Variants in DPT observed in about 807,000 individuals in gnomAD.
DPT encodes the protein tyrosine-rich acidic matrix protein.
Under a neutral mutation model 31.2 loss-of-function variants are expected in DPT, and 21 were observed. The ratio of observed to expected loss-of-function variants is 0.67; its 90% CI spans 0.48 to 0.97. The LOEUF is 0.97. DPT is among the 50% of genes least tolerant of loss of function. DPT has a pLI of 0.00. For synonymous variants in DPT, 91 were observed against 86.9 expected (o/e 1.05, Z -0.26); for missense variants, 262 against 258.8 (o/e 1.01, Z -0.08).
chr1:168,720,110 A>C (rs61801596), intron 1 of DPT, among the ~76,000 whole-genome samples: 53,497 of 151,896 alleles, frequency 0.35, 9,881 homozygotes, highest in Middle Eastern at 0.38. Context: ...CATGAGTTCT[A>C]GTCCTAGCCC....
intron 2 of DPT, among the ~76,000 whole-genome samples, chr1:168,713,788 C>T (rs1649917249): frequency 6.6e-6 from 1 of 151,854 alleles, no homozygotes; most frequent in Non-Finnish European, 1.5e-5. Context: ...TAGACTCTGA[C>T]CCATGAGAGG....
At chr1:168,699,138 C>T (rs1649530036) in intron 3 of DPT, among the ~76,000 whole-genome samples, 1 of 152,090 alleles carries the variant, frequency 6.6e-6, no homozygotes, top group Non-Finnish European at 1.5e-5. Context: ...TCTTGGATGG[C>T]ACTCTTCCTT....
intron 1 of DPT, among the ~76,000 whole-genome samples, chr1:168,723,698 C>G (rs1404974328): frequency 6.6e-6 from 1 of 152,186 alleles, no homozygotes; most frequent in Non-Finnish European, 1.5e-5. Context: ...TTTTTAATTG[C>G]TTCAGTCTCA....
rs1649470992 is a variant in DPT at position 168,696,569 on chromosome 1, A to T, written c.586T>A (p.Cys196Ser). The change falls in exon 4 of 4, where the codon TGT becomes AGT. Residue 196 changes from cysteine (C) to serine (S), a missense_variant. Cys to Ser is a moderately radical substitution (Grantham distance 112, BLOSUM62 -1). Transcript: ENST00000367817. ...FIMCRMTEYD[C>S]EFANV ...CAAATCTAAACATTTGCAAATTCAC[A>T]GTCGTATTCAGTCATCCGGCACATT... 6.2e-7 allele frequency: 1 copy of T among 1,613,890 alleles called. No homozygotes were observed. The highest frequency in any genetic ancestry group is 1.7e-5 in the Admixed American group (1 of 59,972).
intron 2 of DPT, among the ~76,000 whole-genome samples, chr1:168,707,757 T>C (rs1458486580): frequency 1.3e-5 from 2 of 152,178 alleles, no homozygotes; most frequent in African/African-American, 2.4e-5. Context: ...AAGGGGCTTT[T>C]CCCCCTTTTG....
At position 168,721,881 on chromosome 1, in the gene DPT, A is replaced by G. The variant is rs77026233; in HGVS notation, c.305+6989T>C. ...TCTTCCTGCCTGCATCTGGGTAAGA[A>G]TTCTGCTGTCTTCTCCATGTCCAGG... is the stretch of plus-strand genomic sequence containing the variant. On this transcript the variant is annotated intron_variant, in intron 1 of 3. Coordinates refer to ENST00000367817, the MANE Select transcript of DPT (RefSeq NM_001937.5). Among the ~76,000 whole-genome samples, 137 of 152,338 alleles carry G rather than the reference A, an allele frequency of 9.0e-4. 2 individuals are homozygous for G. The East Asian group carries it at 0.023, about 25-fold the overall frequency.
At chr1:168,721,678 G>C (rs1650119796) in intron 1 of DPT, among the ~76,000 whole-genome samples, 1 of 152,076 alleles carries the variant, frequency 6.6e-6, no homozygotes, top group African/African-American at 2.4e-5. Flanking sequence ...TTCCTTCCTT[G>C]TGACATGTTG....
chr1:168,697,376 T>C (rs1649489271), intron 3 of DPT, among the ~76,000 whole-genome samples: 1 of 152,240 alleles, frequency 6.6e-6, no homozygotes, highest in Admixed American at 6.5e-5. Flanking sequence ...GTGCTATACA[T>C]GTGTTTCCCT....
At position 168,725,141 on chromosome 1, in the gene DPT, C is replaced by G. The variant is rs561667002; in HGVS notation, c.305+3729G>C. 1.9e-3 allele frequency among the ~76,000 whole-genome samples: 289 copies of G among 151,960 alleles called. 2 individuals are homozygous for G. The highest frequency in any genetic ancestry group is 6.8e-3 in the African/African-American group (282 of 41,438). ...CTTATACTTTATCCTACAAGTATCA[C>G]AGTAACACAAGTAGCAGCTTGTGAG... On this transcript the variant is annotated intron_variant, in intron 1 of 3. Transcript: ENST00000367817.
At position 168,714,298 on chromosome 1, in the gene DPT, G is replaced by T. The variant is rs1475908402; in HGVS notation, c.354C>A (p.Arg118=). ...CCCGATCCAGCACTGACTCGAAGTAGCGGCTCTGGAATCCTGCCACCAGCC... is the reference window on the plus strand; with the variant it reads ...CCCGATCCAGCACTGACTCGAAGTATCGGCTCTGGAATCCTGCCACCAGCC... ...NNGLVAGFQS[R]YFESVLDREW... is the part of the protein sequence containing the mutation. Residue 118 remains arginine (R), a synonymous_variant, in exon 2 of 4, where the codon CGC becomes CGA. Coordinates refer to ENST00000367817, the MANE Select transcript of DPT (RefSeq NM_001937.5). 3 of 1,614,082 alleles carry T rather than the reference G, an allele frequency of 1.9e-6. No individual in the cohort carries two copies. The highest frequency in any genetic ancestry group is 2.5e-6 in the Non-Finnish European group (3 of 1,180,024).
chr1:168,700,890 CGT>C (rs774984429), intron 3 of DPT, 125 bp downstream of exon 3: 3,029 of 523,590 alleles, frequency 5.8e-3, no homozygotes, highest in South Asian at 7.8e-3. Flanking sequence ...TTGTATTCTA[CGT>C]GTGTGTGTGT....
intron 1 of DPT, among the ~76,000 whole-genome samples, chr1:168,716,482 C>CT (rs112598588): frequency 1.8e-3 from 259 of 144,348 alleles, no homozygotes; most frequent in Non-Finnish European, 2.6e-3. Flanking sequence ...GATGATCTAG[C>CT]TTTTTTTTTT....
intron 3 of DPT, among the ~76,000 whole-genome samples, chr1:168,697,355 C>T (rs1232939058): frequency 5.3e-5 from 8 of 152,332 alleles, no homozygotes; most frequent in African/African-American, 1.9e-4. Context: ...GCTCACCATG[C>T]ACTGGGCTCT....
intron 2 of DPT, among the ~76,000 whole-genome samples, chr1:168,713,467 A>G (rs1649909999): frequency 1.3e-5 from 2 of 152,190 alleles, no homozygotes; most frequent in African/African-American, 2.4e-5. Context: ...GAGGGAGCCA[A>G]CCTTCACATG....
intron 1 of DPT, among the ~76,000 whole-genome samples, chr1:168,725,831 C>G (rs1650229707): frequency 1.3e-5 from 2 of 152,190 alleles, no homozygotes; most frequent in Non-Finnish European, 1.5e-5. Flanking sequence ...GACTCCTCCC[C>G]TCTTTTAAAA....
chr1:168,707,543 G>A (rs1649749565), intron 2 of DPT, among the ~76,000 whole-genome samples: 1 of 152,116 alleles, frequency 6.6e-6, no homozygotes, highest in South Asian at 2.1e-4. Context: ...AAGGAGAGAG[G>A]TATCACCTAT....
intron 2 of DPT, among the ~76,000 whole-genome samples, chr1:168,703,596 G>C (rs189244432): frequency 1.3e-5 from 2 of 152,230 alleles, no homozygotes; most frequent in East Asian, 3.9e-4. Flanking sequence ...TTTTCTTCTT[G>C]GTCCCAGACA....
At chr1:168,719,416 A>T (rs1240364102) in intron 1 of DPT, among the ~76,000 whole-genome samples, 3 of 152,322 alleles carry the variant, frequency 2.0e-5, no homozygotes, top group Non-Finnish European at 4.4e-5. Flanking sequence ...GGCAACTTCT[A>T]AATGGAACAG....
At chr1:168,717,604 G>C (rs1008312726) in intron 1 of DPT, among the ~76,000 whole-genome samples, 2 of 152,056 alleles carry the variant, frequency 1.3e-5, no homozygotes, top group African/African-American at 4.8e-5. Context: ...AATTGCTTTT[G>C]GTGTTTTTTA....
Sources: gnomAD v4.1 joint callset for allele counts (sites outside exome capture counted in the v4.1 genomes callset) on GRCh38, gnomAD v4.1.1 for gene constraint, MANE v1.5 for transcripts, NCBI Gene and HGNC (gene_info 2026-07-23, HGNC 2026-07-21) for gene names.